PLEKHA5: variants seen among roughly 807,000 people sequenced by gnomAD.
PLEKHA5 encodes the protein pleckstrin homology domain containing A5.
In PLEKHA5, 55 loss-of-function variants were observed where a neutral mutation model predicts 181.9. The observed-to-expected ratio is 0.30, with a 90% CI of 0.24 to 0.38. The LOEUF is 0.38. Ranked by LOEUF, PLEKHA5 falls within the 10% of genes least tolerant of loss-of-function variation. PLEKHA5 has a pLI of 1.00. For synonymous variants in PLEKHA5, 535 were observed against 529.4 expected, an observed-to-expected ratio of 1.01 and a Z score of -0.15; for missense variants, 1,432 against 1,549.5, an observed-to-expected ratio of 0.92 and a Z score of 1.27.
rs2073942902 is a variant in PLEKHA5 at position 19,274,344 on chromosome 12, G to A, written c.846-172G>A. The stretch of plus-strand genomic sequence containing the variant: ...TTCTGTTTATACATTCTGGTGTTGT[G>A]CTTGAATGTTAATATCACAGCATTG... On this transcript the variant is annotated intron_variant, in intron 10 of 31. Transcript: ENST00000429027. 1.5e-5 allele frequency: 9 copies of A among 593,652 alleles called. No individual in the cohort carries two copies. The South Asian group carries it at 1.7e-4, about 11-fold the overall frequency. 36.8% of individuals were successfully genotyped at this position (593,652 alleles called of 1,614,324 possible).
At chr12:19,137,512 A>C (rs1396112860) in intron 3 of PLEKHA5, among the ~76,000 whole-genome samples, 1 of 152,228 alleles carries the variant, frequency 6.6e-6, no homozygotes, top group Non-Finnish European at 1.5e-5. Context: ...TTACAAAACA[A>C]CTACGAACTA....
rs1384288795 is a variant in PLEKHA5 at position 19,342,802 on chromosome 12, C to T, written c.2551-521C>T. Among the ~76,000 whole-genome samples, 3 of 151,970 alleles carry T rather than the reference C, an allele frequency of 2.0e-5. No individual in the cohort carries two copies. In the East Asian group the frequency reaches 5.8e-4, roughly 29 times the overall value. On this transcript the variant is annotated intron_variant, in intron 21 of 31. Transcript: ENST00000429027. The stretch of plus-strand genomic sequence containing the variant: ...AAAAAAAAATAAAAATAAAAAAATA[C>T]ATTTAAACTCTGTCAGTCAAAATTC...
chr12:19,218,298 T>C (rs2058340943), intron 3 of PLEKHA5, among the ~76,000 whole-genome samples: 1 of 152,142 alleles, frequency 6.6e-6, no homozygotes, highest in Non-Finnish European at 1.5e-5. Flanking sequence ...CAAAATGTTT[T>C]CTCCTCCAGT....
intron 16 of PLEKHA5, among the ~76,000 whole-genome samples, chr12:19,315,663 C>T (rs550783980): frequency 6.6e-5 from 10 of 152,058 alleles, no homozygotes; most frequent in East Asian, 1.9e-4. Context: ...ATTACTCTGG[C>T]GTATGACCTT....
chr12:19,174,626 C>G (rs1038619373), intron 3 of PLEKHA5, among the ~76,000 whole-genome samples: 4 of 152,128 alleles, frequency 2.6e-5, no homozygotes, highest in Middle Eastern at 6.8e-3. Flanking sequence ...TTTTACTGAC[C>G]GATGAGCTGA....
Position 19,253,940 on chromosome 12 carries a change from C to T in PLEKHA5, c.228C>T (p.Asn76=). ...YTFEGARYYI[N]HNERKVTCKH... is the part of the protein sequence containing the mutation. Reference sequence around the variant, plus strand: ...TGTTTTTCTTTTTTCCTTTTTTCAGCCATAATGAAAGGAAAGTGACCTGCA... The same window carrying T: ...TGTTTTTCTTTTTTCCTTTTTTCAGTCATAATGAAAGGAAAGTGACCTGCA... The change falls in exon 4 of 32, where the codon AAC becomes AAT. Residue 76 remains asparagine, a splice_region_variant and synonymous_variant. Transcript: ENST00000429027. The T allele has an allele frequency of 1.3e-6, 2 of 1,575,470 alleles. No homozygotes were observed. Among genetic ancestry groups the T allele is most frequent in the Admixed American group, 1.8e-5 (1 of 56,546 alleles).
chr12:19,165,356 CAT>C (rs1174580929), intron 3 of PLEKHA5, among the ~76,000 whole-genome samples: 1 of 152,132 alleles, frequency 6.6e-6, no homozygotes, highest in African/African-American at 2.4e-5. Flanking sequence ...GCAGCTAATA[CAT>C]GCCTGATGCT....
intron 3 of PLEKHA5, among the ~76,000 whole-genome samples, chr12:19,246,877 C>T (rs1428325218): frequency 1.3e-5 from 2 of 152,126 alleles, no homozygotes; most frequent in Non-Finnish European, 2.9e-5. Context: ...AAGTAACTCT[C>T]CATTAAGAAT....
intron 20 of PLEKHA5, among the ~76,000 whole-genome samples, chr12:19,328,431 G>T (rs2092473601): frequency 6.6e-6 from 1 of 152,080 alleles, no homozygotes; most frequent in South Asian, 2.1e-4. Flanking sequence ...TAACAATATT[G>T]ATTCTTCTAA....
intron 3 of PLEKHA5, among the ~76,000 whole-genome samples, chr12:19,208,094 C>T (rs1359509783): frequency 6.6e-6 from 1 of 152,056 alleles, no homozygotes; most frequent in African/African-American, 2.4e-5. Flanking sequence ...TGGTGTTAGT[C>T]ACAAAGTAGG....
chr12:19,294,995 A>T (rs1034892226), intron 15 of PLEKHA5, among the ~76,000 whole-genome samples: 3 of 152,210 alleles, frequency 2.0e-5, no homozygotes, highest in Non-Finnish European at 4.4e-5. Context: ...ACACTATTAC[A>T]GTTTGTTTAT....
chr12:19,322,980 C>T (rs1473466995), intron 20 of PLEKHA5, among the ~76,000 whole-genome samples: 1 of 148,406 alleles, frequency 6.7e-6, no homozygotes, highest in Non-Finnish European at 1.5e-5. Context: ...TCCCAAGTAG[C>T]TGGGACTACA....
At chr12:19,268,789 A>G (rs186218881) in intron 8 of PLEKHA5, among the ~76,000 whole-genome samples, 138 of 152,146 alleles carry the variant, frequency 9.1e-4, no homozygotes, top group African/African-American at 3.2e-3. Flanking sequence ...AGTGGTCTTT[A>G]TTTTTCCAAA....
chr12:19,224,755 T>C (rs535899754), intron 3 of PLEKHA5, among the ~76,000 whole-genome samples: 1 of 152,324 alleles, frequency 6.6e-6, no homozygotes, highest in East Asian at 1.9e-4. Context: ...TACATAATGA[T>C]AGTGATATTT....
At chr12:19,202,694 GATA>G (rs1469278678) in intron 3 of PLEKHA5, among the ~76,000 whole-genome samples, 3 of 152,088 alleles carry the variant, frequency 2.0e-5, no homozygotes, top group Admixed American at 1.3e-4. Context: ...GTCTCTGGGT[GATA>G]ATGATGTGAT....
chr12:19,213,913 C>CT (rs1179900216), intron 3 of PLEKHA5, among the ~76,000 whole-genome samples: 1 of 152,052 alleles, frequency 6.6e-6, no homozygotes, highest in East Asian at 1.9e-4. Context: ...ATAGGATATT[C>CT]TTTTTGTTGA....
chr12:19,160,955 G>A (rs969880580), intron 3 of PLEKHA5, among the ~76,000 whole-genome samples: 7 of 152,088 alleles, frequency 4.6e-5, no homozygotes, highest in Admixed American at 1.3e-4. Context: ...AAGCGTACAT[G>A]TATGAAACAA....
At chr12:19,366,964 C>A (rs2095439619) in intron 30 of PLEKHA5, among the ~76,000 whole-genome samples, 2 of 152,080 alleles carry the variant, frequency 1.3e-5, no homozygotes, top group African/African-American at 4.8e-5. Flanking sequence ...GTTGCCAGCG[C>A]TGGAGTGCAG....
At chr12:19,336,666 CT>C (rs1565632666) in intron 21 of PLEKHA5, 50 bp downstream of exon 21, 2 of 978,628 alleles carry the variant, frequency 2.0e-6, no homozygotes, top group Non-Finnish European at 3.1e-6. Flanking sequence ...TTTACTGGTA[CT>C]GTACAATCCA....
Sources: allele counts gnomAD v4.1 joint callset (sites outside exome capture counted in the v4.1 genomes callset), GRCh38; gene constraint gnomAD v4.1.1; transcripts MANE v1.5; gene names NCBI Gene and HGNC (gene_info 2026-07-23, HGNC 2026-07-21).